SAFB: variants seen among roughly 807,000 people sequenced by gnomAD.
SAFB encodes scaffold attachment factor B1.
A neutral mutation model predicts 101.6 loss-of-function variants in SAFB; 15 were observed. That is an observed-to-expected ratio of 0.15 (90% CI 0.10 to 0.23). SAFB has a LOEUF of 0.23. Among genes scored for constraint, SAFB ranks in the 10% least tolerant of loss-of-function variants. The pLI, the probability that SAFB is intolerant of heterozygous loss-of-function variation, is 1.00. For missense variants in SAFB, 930 were observed against 1,104.1 expected, an observed-to-expected ratio of 0.84 and a Z score of 2.23; for synonymous variants, 449 against 407.5, an observed-to-expected ratio of 1.10 and a Z score of -1.23.
At chr19:5,650,875 G>A (rs2053924018) in intron 8 of SAFB, 103 bp from the exon 9 acceptor site, 3 of 760,040 alleles carry the variant, frequency 3.9e-6, no homozygotes, top group Non-Finnish European at 6.6e-6. Context: ...TGCTGCCACT[G>A]CCTCAGGAAA....
At chr19:5,639,935 T>G (rs2145424585) in intron 2 of SAFB, among the ~76,000 whole-genome samples, 1 of 152,102 alleles carries the variant, frequency 6.6e-6, no homozygotes, top group South Asian at 2.1e-4. Context: ...CCCCCTGGGT[T>G]CAAGCGATTC....
chr19:5,649,773 G>T, intron 7 of SAFB, 153 bp from the exon 8 acceptor site: 1 of 829,724 alleles, frequency 1.2e-6, no homozygotes, highest in Non-Finnish European at 1.9e-6. Flanking sequence ...AAATCTTATG[G>T]TTAGGTCAGA....
At chr19:5,662,884 C>T (rs1028150365) in intron 15 of SAFB, among the ~76,000 whole-genome samples, 11 of 151,926 alleles carry the variant, frequency 7.2e-5, no homozygotes, top group African/African-American at 2.7e-4. Flanking sequence ...TCAGGTGATC[C>T]ACCCACCTCA....
Position 5,644,464 on chromosome 19 carries a change from G to C in SAFB, c.547-873G>C, listed in dbSNP as rs1030413128. ...CCCCTGGTGCAGATGTCTAAGGGGA[G>C]ATGGTCTTTGGCACTTAAACACGTG... On this transcript the variant is annotated intron_variant, in intron 4 of 20. Transcript: ENST00000588852. Among the ~76,000 whole-genome samples, 7 of 152,356 alleles carry C rather than the reference G, an allele frequency of 4.6e-5. No individual in the cohort carries two copies. The South Asian group carries it at 1.5e-3, about 32-fold the overall frequency.
chr19:5,638,292 T>C (rs1301645356), intron 2 of SAFB, among the ~76,000 whole-genome samples: 1 of 152,170 alleles, frequency 6.6e-6, no homozygotes, highest in Non-Finnish European at 1.5e-5. Context: ...TTGATGTTTT[T>C]CACATTTTTT....
At chr19:5,637,918 C>A (rs1240124999) in intron 2 of SAFB, among the ~76,000 whole-genome samples, 1 of 152,200 alleles carries the variant, frequency 6.6e-6, no homozygotes, top group African/African-American at 2.4e-5. Context: ...TTATTCTTCA[C>A]ATGGAAGACA....
intron 2 of SAFB, among the ~76,000 whole-genome samples, chr19:5,636,967 C>T (rs1003526156): frequency 4.0e-5 from 6 of 151,736 alleles, no homozygotes; most frequent in African/African-American, 1.5e-4. Context: ...CCTCGGCCTC[C>T]CAAAGTGCTG....
intron 14 of SAFB, among the ~76,000 whole-genome samples, chr19:5,657,752 T>A (rs938641058): frequency 2.0e-5 from 3 of 152,020 alleles, no homozygotes; most frequent in African/African-American, 7.2e-5. Flanking sequence ...CTGAAACTCC[T>A]GACCTCAGGT....
At chr19:5,627,033 A>G (rs1054324795) in intron 2 of SAFB, among the ~76,000 whole-genome samples, 4 of 152,086 alleles carry the variant, frequency 2.6e-5, no homozygotes, top group African/African-American at 4.8e-5. Flanking sequence ...GAAATTAGCC[A>G]GGCATGATGG....
Position 5,667,414 on chromosome 19 carries a change from G to A in SAFB, c.2521G>A (p.Gly841Arg), listed in dbSNP as rs1288654400. 2.1e-5 allele frequency: 32 copies of A among 1,517,460 alleles called. No individual in the cohort carries two copies. The highest frequency in any genetic ancestry group is 3.8e-5 in the South Asian group (3 of 78,384). The allele number at this position is 1,517,460 out of a possible 1,614,324, so 94.0% of individuals were successfully genotyped here. A position where few individuals can be genotyped will look rare whatever the true frequency, so the allele number is the denominator to read the frequency against. The change falls in exon 19 of 21, where the codon GGG (glycine) becomes AGG (arginine). Residue 841 changes from glycine (G) to arginine (R), a missense_variant. Around this residue, in one of 7 missense-constraint regions of SAFB, gnomAD observed 318 missense variants for 342.6 expected, o/e 0.93. Transcript: ENST00000588852. This position sits in a 1 kb window ranked among gnomAD's most constrained non-coding sequence, Gnocchi z 4.0. ...DDRSWQGTAD[G>R]GMMDRDHKRW... ...CCGGTCATGGCAGGGCACGGCCGAC[G>A]GGGGCATGATGGACAGGGATCACAA...
intron 14 of SAFB, among the ~76,000 whole-genome samples, chr19:5,657,905 C>T (rs534262756): frequency 9.9e-5 from 15 of 152,258 alleles, no homozygotes; most frequent in Admixed American, 3.3e-4. Context: ...TGCCTTCCAG[C>T]GTCAGTAGTG....
At chr19:5,665,851 A>G (rs138901945) in intron 17 of SAFB, 1 of 152,362 alleles carries the variant, frequency 6.6e-6, no homozygotes, top group East Asian at 1.9e-4. Flanking sequence ...TCAATTTTCA[A>G]ATACTAAGGA....
chr19:5,638,036 C>T (rs149591665), intron 2 of SAFB, among the ~76,000 whole-genome samples: 4 of 152,282 alleles, frequency 2.6e-5, no homozygotes, highest in Non-Finnish European at 4.4e-5. Flanking sequence ...CTGGTATCAT[C>T]GTTTACATTT....
At chr19:5,627,559 AG>A (rs2053393574) in intron 2 of SAFB, among the ~76,000 whole-genome samples, 1 of 152,194 alleles carries the variant, frequency 6.6e-6, no homozygotes, top group South Asian at 2.1e-4. Flanking sequence ...TTCTTTTAAA[AG>A]CAGCTTATAC....
intron 9 of SAFB, among the ~76,000 whole-genome samples, chr19:5,651,372 G>T (rs150700342): frequency 1.3e-5 from 2 of 152,156 alleles, no homozygotes; most frequent in Non-Finnish European, 2.9e-5. Flanking sequence ...TGCCAGGGTT[G>T]GCTGGTGGGG....
chr19:5,660,193 G>A (rs182470513), intron 14 of SAFB, among the ~76,000 whole-genome samples: 1 of 152,006 alleles, frequency 6.6e-6, no homozygotes. Flanking sequence ...ATATAAAACT[G>A]TGTGGTATTT....
chr19:5,623,615 A>G (rs1016453316), intron 1 of SAFB, among the ~76,000 whole-genome samples: 1 of 151,948 alleles, frequency 6.6e-6, no homozygotes, highest in Non-Finnish European at 1.5e-5. Context: ...GGAGAACCAC[A>G]AAAACGGCAC....
At chr19:5,655,590 T>A (rs1195904462) in intron 13 of SAFB, among the ~76,000 whole-genome samples, 1 of 151,592 alleles carries the variant, frequency 6.6e-6, no homozygotes, top group East Asian at 1.9e-4. Flanking sequence ...CAAGGACCAA[T>A]CTTGGCAGCA....
In SAFB at chr19:5,667,090, C is replaced by T. The variant is rs758735560; in HGVS notation, c.2379C>T (p.Asp793=). Reference sequence around the variant, plus strand: ...GAGGACCAGAGCGCCACGGCCGGGACTCCCGCGATGGCTGGGGGGGCTATG... The same window carrying T: ...GAGGACCAGAGCGCCACGGCCGGGATTCCCGCGATGGCTGGGGGGGCTATG... ...RHGGPERHGR[D]SRDGWGGYGS... Residue 793 remains aspartate (D), a synonymous_variant, in exon 18 of 21, where the codon GAC becomes GAT. Transcript: ENST00000588852. The surrounding 1 kb of genome is among the most constrained non-coding windows in gnomAD (Gnocchi z 4.0). 7 of 1,612,714 alleles carry T rather than the reference C, an allele frequency of 4.3e-6. No homozygotes were observed. Among genetic ancestry groups the T allele is most frequent in the East Asian group, 4.5e-5 (2 of 44,876 alleles).
Sources: allele counts gnomAD v4.1 joint callset (sites outside exome capture counted in the v4.1 genomes callset), GRCh38; gene constraint gnomAD v4.1.1; regional missense constraint gnomAD v4.1.1; non-coding constraint Gnocchi (gnomAD v3.1); transcripts MANE v1.5; gene names NCBI Gene and HGNC (gene_info 2026-07-23, HGNC 2026-07-21).